The following MDGA2 variants were observed in gnomAD, a reference collection of about 807,000 sequenced individuals.
MDGA2 encodes MAM domain containing glycosylphosphatidylinositol anchor 2.
Under a neutral mutation model 117.8 loss-of-function variants are expected in MDGA2, and 40 were observed. That is an observed-to-expected ratio of 0.34 (90% CI 0.26 to 0.44). The LOEUF is 0.44. Among genes scored for constraint, MDGA2 ranks in the 20% least tolerant of loss-of-function variants. MDGA2 has a pLI of 1.00. For synonymous variants in MDGA2, 452 were observed against 439.0 expected (o/e 1.03, Z -0.37); for missense variants, 1,123 against 1,250.6 (o/e 0.90, Z 1.54).
chr14:47,550,233 A>G (rs1755433385), intron 1 of MDGA2, among the ~76,000 whole-genome samples: 2 of 152,178 alleles, frequency 1.3e-5, no homozygotes, highest in South Asian at 4.1e-4. Context: ...TAATTTTATA[A>G]AATGTCTTTC....
intron 3 of MDGA2, among the ~76,000 whole-genome samples, chr14:47,195,268 T>C (rs889812692): frequency 6.6e-6 from 1 of 152,098 alleles, no homozygotes; most frequent in African/African-American, 2.4e-5. Context: ...TTAACTAGCA[T>C]GAAAAGCATC....
intron 8 of MDGA2, among the ~76,000 whole-genome samples, chr14:46,959,390 T>A (rs112347220): frequency 0.11 from 16,420 of 151,596 alleles, 1,636 homozygotes; most frequent in African/African-American, 0.23. Context: ...TATTTTTCCA[T>A]CCTTTTAATC....
intron 3 of MDGA2, among the ~76,000 whole-genome samples, chr14:47,160,856 G>A (rs943123530): frequency 2.5e-4 from 38 of 152,076 alleles, no homozygotes; most frequent in African/African-American, 9.2e-4. Flanking sequence ...AACTTTAAAA[G>A]CAAATTTTTT....
chr14:47,043,826 T>C (rs1230764199), intron 7 of MDGA2, among the ~76,000 whole-genome samples: 3 of 152,094 alleles, frequency 2.0e-5, no homozygotes, highest in African/African-American at 7.2e-5. Flanking sequence ...CAGGAATGAG[T>C]TTGACCTCCC....
Position 47,024,511 on chromosome 14 carries a change from G to T in MDGA2, c.1819+10500C>A, listed in dbSNP as rs1594538798. On this transcript the variant is annotated intron_variant, in intron 8 of 16. Transcript: ENST00000399232. Reference sequence around the variant, plus strand: ...TTTCTTAAATACATTTCAGTTTCCTGCTTAGCTTTGAATAGTTTCCTCCCT... The same window carrying T: ...TTTCTTAAATACATTTCAGTTTCCTTCTTAGCTTTGAATAGTTTCCTCCCT... 2.6e-5 allele frequency among the ~76,000 whole-genome samples: 4 copies of T among 152,174 alleles called. No individual in the cohort carries two copies. The Middle Eastern group carries it at 0.014, about 518-fold the overall frequency.
At chr14:47,549,343 ATC>A (rs3039661) in intron 1 of MDGA2, among the ~76,000 whole-genome samples, 204 of 140,082 alleles carry the variant, frequency 1.5e-3, no homozygotes, top group Middle Eastern at 7.3e-3. Context: ...CACCAGTATT[ATC>A]TCTCTCTCTC....
At chr14:47,436,915 G>T (rs922575545) in intron 1 of MDGA2, among the ~76,000 whole-genome samples, 1 of 152,068 alleles carries the variant, frequency 6.6e-6, no homozygotes. Flanking sequence ...AGGCACCCTT[G>T]AGTTCTCCTC....
chr14:47,525,610 G>A (rs994815577), intron 1 of MDGA2, among the ~76,000 whole-genome samples: 2 of 151,924 alleles, frequency 1.3e-5, no homozygotes, highest in African/African-American at 2.4e-5. Flanking sequence ...ACTTGAACCC[G>A]GAAGGCAGAG....
intron 1 of MDGA2, among the ~76,000 whole-genome samples, chr14:47,468,042 C>T (rs1192997409): frequency 6.6e-6 from 1 of 152,064 alleles, no homozygotes; most frequent in East Asian, 1.9e-4. Context: ...ACAGAAGTGA[C>T]ACATTGACAG....
At chr14:47,027,271 T>C (rs1566581120) in intron 8 of MDGA2, among the ~76,000 whole-genome samples, 1 of 152,104 alleles carries the variant, frequency 6.6e-6, no homozygotes, top group Non-Finnish European at 1.5e-5. Flanking sequence ...GGAAATGATA[T>C]AATGATATTA....
At position 47,503,907 on chromosome 14, in the gene MDGA2, T is replaced by C. The variant is rs116604345; in HGVS notation, c.280+170610A>G. 9.8e-3 allele frequency among the ~76,000 whole-genome samples: 1,490 copies of C among 152,298 alleles called. 25 individuals carry two copies. Among genetic ancestry groups the C allele is most frequent in the African/African-American group, 0.034 (1,426 of 41,558 alleles). ...AAAATGTGGTTAACCTGTATCTAGTTTGTGAATGCTTAGTCCTAGCTTCCC... is the reference window on the plus strand; with the variant it reads ...AAAATGTGGTTAACCTGTATCTAGTCTGTGAATGCTTAGTCCTAGCTTCCC... On this transcript the variant is annotated intron_variant, in intron 1 of 16. Coordinates refer to ENST00000399232, the MANE Select transcript of MDGA2 (RefSeq NM_001113498.3).
chr14:47,199,371 A>T (rs1402771889), intron 3 of MDGA2, among the ~76,000 whole-genome samples: 1 of 152,188 alleles, frequency 6.6e-6, no homozygotes, highest in East Asian at 1.9e-4. Flanking sequence ...TCAACAAATC[A>T]TTATGACAAA....
chr14:47,072,388 G>A (rs1257667520), intron 6 of MDGA2, among the ~76,000 whole-genome samples: 1 of 152,152 alleles, frequency 6.6e-6, no homozygotes, highest in Non-Finnish European at 1.5e-5. Flanking sequence ...TTAGAGACTT[G>A]TTGGATATAA....
chr14:47,330,718 A>AT (rs1566741788), intron 1 of MDGA2, among the ~76,000 whole-genome samples: 2 of 151,932 alleles, frequency 1.3e-5, no homozygotes, highest in Non-Finnish European at 2.9e-5. Flanking sequence ...CCAAAAAAAA[A>AT]GAAATCAAAG....
chr14:47,554,990 G>A (rs1011623976), intron 1 of MDGA2, among the ~76,000 whole-genome samples: 3 of 152,110 alleles, frequency 2.0e-5, no homozygotes, highest in Non-Finnish European at 4.4e-5. Flanking sequence ...AAGCCAAAAT[G>A]ACATTCTGAA....
intron 3 of MDGA2, among the ~76,000 whole-genome samples, chr14:47,158,367 T>G (rs753999472): frequency 1.5e-4 from 20 of 130,560 alleles, no homozygotes; most frequent in Middle Eastern, 3.8e-3. Flanking sequence ...GGGGTGGGTG[T>G]GTGTGTGTGT....
chr14:47,052,569 T>A (rs919521051), intron 7 of MDGA2, among the ~76,000 whole-genome samples: 1 of 151,900 alleles, frequency 6.6e-6, no homozygotes, highest in Admixed American at 6.6e-5. Flanking sequence ...TACTGAACAA[T>A]TACAGGAAAT....
intron 3 of MDGA2, among the ~76,000 whole-genome samples, chr14:47,192,981 T>C (rs537939912): frequency 3.4e-4 from 52 of 152,354 alleles, no homozygotes; most frequent in Non-Finnish European, 2.9e-4. Flanking sequence ...GTAAACCTCC[T>C]GTTAGAGCTA....
At chr14:46,883,223 C>A (rs1404460529) in intron 10 of MDGA2, among the ~76,000 whole-genome samples, 1 of 151,976 alleles carries the variant, frequency 6.6e-6, no homozygotes, top group Admixed American at 6.6e-5. Flanking sequence ...CCAAATTCAT[C>A]ATACAGTACT....
Sources: allele counts gnomAD v4.1 joint callset (sites outside exome capture counted in the v4.1 genomes callset), GRCh38; gene constraint gnomAD v4.1.1; transcripts MANE v1.5; gene names NCBI Gene and HGNC (gene_info 2026-07-23, HGNC 2026-07-21).